The following RSPH4A variants were observed in gnomAD, a reference collection of about 807,000 sequenced individuals.
The protein encoded by RSPH4A is radial spoke head component 4A.
Under a neutral mutation model 71.0 loss-of-function variants are expected in RSPH4A, and 47 were observed. The observed-to-expected ratio is 0.66, with a 90% CI of 0.52 to 0.84. The LOEUF (loss-of-function observed/expected upper bound fraction) is 0.84, where lower values mean the gene tolerates loss of function less well. RSPH4A is among the 40% of genes least tolerant of loss of function. RSPH4A has a pLI of 0.00. For missense variants in RSPH4A, 793 were observed against 855.2 expected, an observed-to-expected ratio of 0.93 and a Z score of 0.91; for synonymous variants, 282 against 302.3, an observed-to-expected ratio of 0.93 and a Z score of 0.70.
rs1159528924 is a variant in RSPH4A, at chr6:116,628,333, C to T, written c.1626C>T (p.Ser542=). Residue 542 remains serine (S), a synonymous_variant, in exon 3 of 6, where the codon TCC becomes TCT. Coordinates refer to ENST00000229554, the MANE Select transcript of RSPH4A (RefSeq NM_001010892.3). The stretch of plus-strand genomic sequence containing the variant: ...TGATTGATCTAGTAGAATCCCTATC[C>T]AATTGGGTTCATCATGTACAGCATA... ...IQVIDLVESL[S]NWVHHVQHIL... 6 of 1,612,728 alleles carry T rather than the reference C, an allele frequency of 3.7e-6. No individual in the cohort carries two copies. Among genetic ancestry groups the T allele is most frequent in the Non-Finnish European group, 3.4e-6 (4 of 1,179,712 alleles).
At chr6:116,625,999 A>C (rs1470424568) in intron 2 of RSPH4A, among the ~76,000 whole-genome samples, 1 of 152,204 alleles carries the variant, frequency 6.6e-6, no homozygotes, top group Non-Finnish European at 1.5e-5. Flanking sequence ...TAAAGAGTTG[A>C]GAGATGCGAT....
chr6:116,624,036 C>A (rs1219660860), intron 2 of RSPH4A, among the ~76,000 whole-genome samples: 1 of 152,106 alleles, frequency 6.6e-6, no homozygotes, highest in Non-Finnish European at 1.5e-5. Flanking sequence ...ATCTGCTGAA[C>A]GTATATTCAG....
rs1188109694 is a variant in RSPH4A at position 116,632,752 on chromosome 6, T to C, written c.*311T>C. 1.1e-5 allele frequency: 3 copies of C among 280,934 alleles called. No individual in the cohort carries two copies. In the Admixed American group the frequency reaches 1.5e-4, roughly 14 times the overall value. The allele number at this position is 280,934 out of a possible 1,614,324, so 17.4% of individuals were successfully genotyped here. A position where few individuals can be genotyped will look rare whatever the true frequency, so the allele number is the denominator to read the frequency against. On this transcript the variant is annotated 3_prime_UTR_variant, in exon 6 of 6. Coordinates refer to ENST00000229554, the MANE Select transcript of RSPH4A (RefSeq NM_001010892.3). The stretch of plus-strand genomic sequence containing the variant: ...TTTTTAAAAGGGCTCAGGTTTCACA[T>C]GGTCCAGGTGAGGTAAAACAATTAA...
chr6:116,624,178 T>C (rs1775657390), intron 2 of RSPH4A, among the ~76,000 whole-genome samples: 1 of 152,214 alleles, frequency 6.6e-6, no homozygotes, highest in Non-Finnish European at 1.5e-5. Flanking sequence ...CTAAGCAGCC[T>C]ATGAGGAGAG....
chr6:116,627,504 C>A, intron 2 of RSPH4A, 125 bp from the exon 3 acceptor site: 1 of 879,886 alleles, frequency 1.1e-6, no homozygotes, highest in Non-Finnish European at 1.9e-6. Flanking sequence ...CCAATTTGAT[C>A]TAAATCTTGA....
chr6:116,627,051 T>A (rs1775707037), intron 2 of RSPH4A, among the ~76,000 whole-genome samples: 1 of 152,334 alleles, frequency 6.6e-6, no homozygotes, highest in African/African-American at 2.4e-5. Context: ...ATTTTTATTA[T>A]TCATAGTAAT....
At position 116,629,614 on chromosome 6, in the gene RSPH4A, A is replaced by G. The variant is rs769138925; in HGVS notation, c.1710A>G (p.Glu570=). The change falls in exon 4 of 6, where the codon GAA becomes GAG. Residue 570 remains glutamate (E), a synonymous_variant. Coordinates refer to ENST00000229554, the MANE Select transcript of RSPH4A (RefSeq NM_001010892.3). ...CCATACAAAAAAATGAGGAAGAAGA[A>G]GAGGAAGAAGATGAAGAAAAAGACG... The part of the protein sequence containing the change: ...FNSIQKNEEE[E]EEEDEEKDDS... 27 of 1,612,578 alleles carry G rather than the reference A, an allele frequency of 1.7e-5. 1 individual carries two copies. The Middle Eastern group carries it at 4.9e-4, about 30-fold the overall frequency.
At chr6:116,624,721 G>A (rs369779993) in intron 2 of RSPH4A, among the ~76,000 whole-genome samples, 2 of 152,268 alleles carry the variant, frequency 1.3e-5, no homozygotes, top group South Asian at 4.1e-4. Flanking sequence ...GAGTGTTCAC[G>A]TTTTTATTCC....
At position 116,630,551 on chromosome 6, in the gene RSPH4A, A is replaced by G. The variant is rs374757726; in HGVS notation, c.1915A>G (p.Lys639Glu). 3.1e-5 allele frequency: 45 copies of G among 1,440,456 alleles called. No homozygotes were observed. The highest frequency in any genetic ancestry group is 4.4e-5 in the Non-Finnish European group (45 of 1,022,014). 89.2% of individuals were successfully genotyped at this position (1,440,456 alleles called of 1,614,324 possible). A position where few individuals can be genotyped will look rare whatever the true frequency, so the allele number is the denominator to read the frequency against. Residue 639 changes from lysine to glutamate, a missense_variant and splice_region_variant, in exon 5 of 6, where the codon AAA becomes GAA. Coordinates refer to ENST00000229554, the MANE Select transcript of RSPH4A (RefSeq NM_001010892.3). ...TGGAGCATATGCCTTCTCCAATGGC[A>G]AGTAAGTATCTGACCACTTACAAAG... ...WPGAYAFSNGKKFENFYIGWG... is the reference protein window; with the variant it reads ...WPGAYAFSNGEKFENFYIGWG...
At chr6:116,625,232 A>G (rs1197834249) in intron 2 of RSPH4A, among the ~76,000 whole-genome samples, 2 of 152,342 alleles carry the variant, frequency 1.3e-5, no homozygotes, top group Admixed American at 1.3e-4. Flanking sequence ...TCATTGGGCA[A>G]GGCTTTTTAG....
At chr6:116,629,723 TCACA>T in intron 4 of RSPH4A, 21 bp downstream of exon 4, 1 of 1,591,838 alleles carries the variant, frequency 6.3e-7, no homozygotes, top group Non-Finnish European at 8.6e-7. Context: ...GTAACTATTA[TCACA>T]CACAGACACA....
intron 5 of RSPH4A, among the ~76,000 whole-genome samples, chr6:116,631,438 G>A (rs1775802917): frequency 6.6e-6 from 1 of 152,160 alleles, no homozygotes; most frequent in South Asian, 2.1e-4. Context: ...CACAGATATG[G>A]CTATCATAGA....
In RSPH4A at chr6:116,616,690, C is replaced by T. The variant is rs778806691; in HGVS notation, c.67C>T (p.Pro23Ser). The T allele has an allele frequency of 1.9e-6, 3 of 1,614,026 alleles. No homozygotes were observed. The African/African-American group carries it at 4.0e-5, about 22-fold the overall frequency. Residue 23 changes from proline (P) to serine (S), a missense_variant, in exon 1 of 6, where the codon CCA becomes TCA. Pro to Ser is a moderately conservative substitution (Grantham distance 74, BLOSUM62 -1). Coordinates refer to ENST00000229554, the MANE Select transcript of RSPH4A (RefSeq NM_001010892.3). The stretch of plus-strand genomic sequence containing the variant: ...AGAAGAACTAGGGGAAACAAGGCGG[C>T]CATGGGAAGGAAAGACAGCAGCTTC... ...NQEELGETRRPWEGKTAASPQ... is the reference protein window; with the variant it reads ...NQEELGETRRSWEGKTAASPQ...
chr6:116,629,604 AG>A lies in RSPH4A; in HGVS notation c.1702del (p.Glu568LysfsTer16). ...TGGTTCAACTCCATACAAAAAAATG[AG>A]GAAGAAGAAGAGGAAGAAGATGAAG... ...CNWFNSIQKN[E>X]EEEEEEDEEK... On this transcript the variant is annotated frameshift_variant, in exon 4 of 6. Coordinates refer to ENST00000229554, the MANE Select transcript of RSPH4A (RefSeq NM_001010892.3). LOFTEE classifies it high-confidence loss of function. 1 of 1,612,636 alleles carries A rather than the reference AG, an allele frequency of 6.2e-7. No homozygotes were observed.
At chr6:116,632,145 G>A in intron 5 of RSPH4A, 62 bp from the exon 6 acceptor site, 1 of 1,205,126 alleles carries the variant, frequency 8.3e-7, no homozygotes, top group Non-Finnish European at 1.2e-6. Flanking sequence ...ATTACAGAAG[G>A]GTCAGTTTTT....
chr6:116,629,663 G>A lies in RSPH4A; in HGVS notation c.1759G>A (p.Val587Met). ...CGATTCTGACTACATAGAACAGGAA[G>A]TGGGGCTTCCTCTTTTGACACCAAT... ...KDDSDYIEQE[V>M]GLPLLTPISE... is the part of the protein sequence containing the mutation. The change falls in exon 4 of 6, where the codon GTG becomes ATG. Residue 587 changes from valine (V) to methionine (M), a missense_variant. By Grantham distance (21) the Val-to-Met change is conservative. Transcript: ENST00000229554. 2 of 1,613,164 alleles carry A rather than the reference G, an allele frequency of 1.2e-6. No homozygotes were observed. The highest frequency in any genetic ancestry group is 1.7e-6 in the Non-Finnish European group (2 of 1,179,176).
Position 116,622,882 on chromosome 6 carries a change from A to C in RSPH4A, c.801A>C (p.Lys267Asn). ...QDVKMAHFSK[K>N]FDALQNENEL... ...TGAAGATGGCACATTTTAGTAAAAA[A>C]TTTGATGCACTACAAAATGAGAATG... The change falls in exon 2 of 6, where the codon AAA becomes AAC. Residue 267 changes from lysine to asparagine, a missense_variant. Lys to Asn is a moderately conservative substitution (Grantham distance 94). Coordinates refer to ENST00000229554, the MANE Select transcript of RSPH4A (RefSeq NM_001010892.3). 3 of 1,613,482 alleles carry C rather than the reference A, an allele frequency of 1.9e-6. No homozygotes were observed. Among genetic ancestry groups the C allele is most frequent in the Non-Finnish European group, 1.7e-6 (2 of 1,179,430 alleles).
chr6:116,630,847 A>ATTTTTTTTTTTTTTTT (rs10694358), intron 5 of RSPH4A, among the ~76,000 whole-genome samples: 1 of 87,614 alleles, frequency 1.1e-5, no homozygotes, highest in Non-Finnish European at 2.1e-5. Flanking sequence ...TAATTTTTGT[A>ATTTTTTTTTTTTTTTT]TTTTTTTTTT....
intron 1 of RSPH4A, among the ~76,000 whole-genome samples, chr6:116,622,112 T>C (rs1775620338): frequency 6.6e-6 from 1 of 152,112 alleles, no homozygotes; most frequent in Non-Finnish European, 1.5e-5. Flanking sequence ...TAAGTAATAT[T>C]TAATGGCTTT....
Sources: gnomAD v4.1 joint callset for allele counts (sites outside exome capture counted in the v4.1 genomes callset) on GRCh38, gnomAD v4.1.1 for gene constraint, MANE v1.5 for transcripts, NCBI Gene and HGNC (gene_info 2026-07-23, HGNC 2026-07-21) for gene names.